CAMKK2: variants seen among roughly 807,000 people sequenced by gnomAD.
The protein encoded by CAMKK2 is calcium/calmodulin dependent protein kinase kinase 2.
CAMKK2 carries 30 observed loss-of-function variants against 67.2 expected under a neutral mutation model. That is an observed-to-expected ratio of 0.45 (90% CI 0.33 to 0.61). The LOEUF (loss-of-function observed/expected upper bound fraction) is 0.61. Ranked by LOEUF, CAMKK2 falls within the 20% of genes least tolerant of loss-of-function variation. The probability of loss-of-function intolerance (pLI) is 0.02; values close to 1 mark genes in which losing one functional copy is unlikely to be tolerated. For synonymous variants in CAMKK2, 322 were observed against 326.2 expected (o/e 0.99, Z 0.14); for missense variants, 643 against 802.0 (o/e 0.80, Z 2.39).
chr12:121,269,349 C>G (rs1261775076), intron 4 of CAMKK2, among the ~76,000 whole-genome samples, 179 bp downstream of exon 4: 1 of 152,170 alleles, frequency 6.6e-6, no homozygotes, highest in Non-Finnish European at 1.5e-5. Flanking sequence ...AATCCCCTCA[C>G]CTCCCCATTT....
intron 1 of CAMKK2, among the ~76,000 whole-genome samples, chr12:121,291,493 C>T (rs1193934994): frequency 6.6e-6 from 1 of 152,180 alleles, no homozygotes; most frequent in African/African-American, 2.4e-5. Context: ...GTCTTGAAAG[C>T]ATGATGCTGA....
chr12:121,273,865 A>C (rs1347386387), intron 2 of CAMKK2, among the ~76,000 whole-genome samples, 191 bp downstream of exon 2: 1 of 151,814 alleles, frequency 6.6e-6, no homozygotes, highest in Non-Finnish European at 1.5e-5. Context: ...TCCCTTCCCC[A>C]TGCTGATTCA....
At chr12:121,269,840 G>C (rs955317375) in intron 3 of CAMKK2, 1 of 358,292 alleles carries the variant, frequency 2.8e-6, no homozygotes, top group African/African-American at 2.1e-5. Flanking sequence ...CTTGAGTTAA[G>C]GAGTTTGAGA....
intron 1 of CAMKK2, among the ~76,000 whole-genome samples, chr12:121,280,241 T>A (rs1897519231): frequency 6.6e-6 from 1 of 152,272 alleles, no homozygotes; most frequent in Non-Finnish European, 1.5e-5. Flanking sequence ...TAATTTCTTA[T>A]GCCTGTCTTT....
At chr12:121,243,354 G>A (rs1198597490) in intron 16 of CAMKK2, among the ~76,000 whole-genome samples, 4 of 103,156 alleles carry the variant, frequency 3.9e-5, no homozygotes, top group South Asian at 2.9e-4. Context: ...ATTTCATCTC[G>A]TAAGCCAACT....
At chr12:121,293,912 G>A (rs1900612632) in intron 1 of CAMKK2, among the ~76,000 whole-genome samples, 1 of 151,696 alleles carries the variant, frequency 6.6e-6, no homozygotes, top group Non-Finnish European at 1.5e-5. Flanking sequence ...CTGGCATTTG[G>A]GGGAGGGTGA....
chr12:121,253,207 G>A lies in CAMKK2; in HGVS notation c.1107+66C>T, dbSNP rs1891138174. On this transcript the variant is annotated intron_variant, in intron 10 of 16. Transcript: ENST00000404169. This position sits in a 1 kb window ranked among gnomAD's most constrained non-coding sequence, Gnocchi z 5.0. ...TTAAGCCTGTGTGCGTTGGGTTTCTGCTGCTTACAATCCAGAAGACACTAA... is the reference window on the plus strand; with the variant it reads ...TTAAGCCTGTGTGCGTTGGGTTTCTACTGCTTACAATCCAGAAGACACTAA... The A allele has an allele frequency of 3.5e-6, 5 of 1,428,260 alleles. No homozygotes were observed. Among genetic ancestry groups the A allele is most frequent in the Non-Finnish European group, 4.9e-6 (5 of 1,016,620 alleles). The allele number at this position is 1,428,260 out of a possible 1,614,324, so 88.5% of individuals were successfully genotyped here. A position where few individuals can be genotyped will look rare whatever the true frequency, so the allele number is the denominator to read the frequency against.
intron 1 of CAMKK2, among the ~76,000 whole-genome samples, chr12:121,294,945 G>A (rs552598027): frequency 2.0e-4 from 31 of 152,236 alleles, no homozygotes; most frequent in Admixed American, 6.5e-4. Flanking sequence ...TGACGTAGGC[G>A]GATCACTTGA....
intron 14 of CAMKK2, among the ~76,000 whole-genome samples, chr12:121,248,296 C>A (rs1889915012): frequency 6.6e-6 from 1 of 152,186 alleles, no homozygotes; most frequent in Admixed American, 6.5e-5. Flanking sequence ...GCTTAGAGAC[C>A]TGGGCTCCGG....
chr12:121,285,237 T>G lies in CAMKK2; in HGVS notation c.-59-10652A>C, dbSNP rs966124885. 2.0e-5 allele frequency among the ~76,000 whole-genome samples: 3 copies of G among 152,240 alleles called. No homozygotes were observed. The highest frequency in any genetic ancestry group is 4.4e-5 in the Non-Finnish European group (3 of 68,040). ...TAGATATGAGGCCGGGCGCAGTGGT[T>G]CACGCCTGTAATCCCAGCACTTTGG... is the stretch of plus-strand genomic sequence containing the variant. On this transcript the variant is annotated intron_variant, in intron 1 of 16. Coordinates refer to ENST00000404169, the MANE Select transcript of CAMKK2 (RefSeq NM_001270485.2). This position sits in a 1 kb window ranked among gnomAD's most constrained non-coding sequence, Gnocchi z 4.1.
At position 121,240,263 on chromosome 12, in the gene CAMKK2, C is replaced by T. The variant is rs536293119; in HGVS notation, c.*436G>A. 2 of 646,512 alleles carry T rather than the reference C, an allele frequency of 3.1e-6. No homozygotes were observed. Among genetic ancestry groups the T allele is most frequent in the East Asian group, 2.7e-5 (1 of 36,738 alleles). The allele number at this position is 646,512 out of a possible 1,614,324, so 40.0% of individuals were successfully genotyped here. On this transcript the variant is annotated 3_prime_UTR_variant, in exon 17 of 17. Coordinates refer to ENST00000404169, the MANE Select transcript of CAMKK2 (RefSeq NM_001270485.2). This position sits in a 1 kb window ranked among gnomAD's most constrained non-coding sequence, Gnocchi z 4.4. ...TGCACTAGGAGCCACATCTAGCCCCCTACTCCCTCTCAAATGCAGCAACCA... is the reference window on the plus strand; with the variant it reads ...TGCACTAGGAGCCACATCTAGCCCCTTACTCCCTCTCAAATGCAGCAACCA...
At chr12:121,244,520 C>T (rs1161383016) in intron 16 of CAMKK2, 53 bp downstream of exon 16, 1 of 1,527,274 alleles carries the variant, frequency 6.5e-7, no homozygotes, top group Non-Finnish European at 8.9e-7. Flanking sequence ...CAGCTGCCCA[C>T]CCGCCCCCCT....
At chr12:121,297,541 T>C (rs774301588), upstream of CAMKK2, 1 of 503,132 alleles carries the variant, frequency 2.0e-6, no homozygotes, top group South Asian at 1.4e-5. Flanking sequence ...GCACTTACTT[T>C]GCTGGAGCCT....
chr12:121,245,820 T>G lies in CAMKK2; in HGVS notation c.1453-580A>C, dbSNP rs1027388707. Among the ~76,000 whole-genome samples the G allele has an allele frequency of 5.9e-5, 9 of 152,162 alleles. No homozygotes were observed. The highest frequency in any genetic ancestry group is 2.2e-4 in the African/African-American group (9 of 41,426). ...TTGCTGCTAACAAGAAAAATAAGTG[T>G]TTAAGAAACACTGATTTACCAAAAG... On this transcript the variant is annotated intron_variant, in intron 14 of 16. Transcript: ENST00000404169. The surrounding 1 kb of genome is among the most constrained non-coding windows in gnomAD (Gnocchi z 5.8).
chr12:121,247,774 C>T (rs1320106511), intron 14 of CAMKK2, among the ~76,000 whole-genome samples: 2 of 152,192 alleles, frequency 1.3e-5, no homozygotes, highest in Non-Finnish European at 2.9e-5. Flanking sequence ...TGGGCTCCTA[C>T]AGGGGCAATC....
At chr12:121,269,473 A>G in intron 4 of CAMKK2, 55 bp downstream of exon 4, 1 of 1,358,116 alleles carries the variant, frequency 7.4e-7, no homozygotes, top group Admixed American at 1.9e-5. Context: ...AGTGCTGGAA[A>G]GGAGGCTCTT....
chr12:121,263,738 G>A, intron 6 of CAMKK2, 68 bp downstream of exon 6: 1 of 1,481,748 alleles, frequency 6.7e-7, no homozygotes, highest in Admixed American at 1.9e-5. Context: ...CTGGAAACCA[G>A]TGGCGGGGTG....
intron 3 of CAMKK2, among the ~76,000 whole-genome samples, chr12:121,270,368 TAA>T (rs3999199): frequency 1.0e-4 from 13 of 125,192 alleles, no homozygotes; most frequent in Admixed American, 1.6e-4. Flanking sequence ...ACACCCTGTC[TAA>T]AAAAAAAAAA....
chr12:121,282,004 G>T (rs189541376), intron 1 of CAMKK2, among the ~76,000 whole-genome samples: 1 of 152,184 alleles, frequency 6.6e-6, no homozygotes, highest in Non-Finnish European at 1.5e-5. Context: ...CAGAAGACCA[G>T]GATATGATCA....
Sources: allele counts gnomAD v4.1 joint callset (sites outside exome capture counted in the v4.1 genomes callset), GRCh38; gene constraint gnomAD v4.1.1; non-coding constraint Gnocchi (gnomAD v3.1); transcripts MANE v1.5; gene names NCBI Gene and HGNC (gene_info 2026-07-23, HGNC 2026-07-21).